Variants in ADGRG4 observed in about 807,000 individuals in gnomAD.
ADGRG4 encodes the protein G protein-coupled receptor 112.
Under a neutral mutation model 126.2 loss-of-function variants are expected in ADGRG4, and 122 were observed. The observed-to-expected ratio is 0.97, with a 90% CI of 0.83 to 1.12. The LOEUF (loss-of-function observed/expected upper bound fraction) is 1.12, where lower values mean the gene tolerates loss of function less well. Ranked by LOEUF, ADGRG4 falls within the 50% of genes most tolerant of loss-of-function variation. ADGRG4 has a pLI of 0.00. For missense variants in ADGRG4, 2,481 were observed against 2,251.8 expected, an observed-to-expected ratio of 1.10 and a Z score of -2.06; for synonymous variants, 943 against 838.7, an observed-to-expected ratio of 1.12 and a Z score of -2.15.
chrX:136,338,691 T>C (rs1256670536), intron 5 of ADGRG4, among the ~76,000 whole-genome samples: 5 of 112,384 alleles, frequency 4.4e-5, no homozygotes, highest in Non-Finnish European at 3.7e-5. Context: ...CAGTGTCTAA[T>C]TCATCTCAGT....
At chrX:136,309,350 C>A (rs1226051925) in intron 4 of ADGRG4, among the ~76,000 whole-genome samples, 1 of 111,967 alleles carries the variant, frequency 8.9e-6, no homozygotes, top group African/African-American at 3.2e-5. Flanking sequence ...CCAGACCTTC[C>A]CTAGACTCTA....
intron 23 of ADGRG4, among the ~76,000 whole-genome samples, chrX:136,406,788 G>A (rs1471217496): frequency 9.0e-6 from 1 of 110,560 alleles, no homozygotes; most frequent in Non-Finnish European, 1.9e-5. Context: ...GGTGGTGTGT[G>A]CCTGTAGTCC....
At chrX:136,407,511 T>C (rs1303100457) in intron 23 of ADGRG4, among the ~76,000 whole-genome samples, 1 of 111,570 alleles carries the variant, frequency 9.0e-6, no homozygotes, top group Non-Finnish European at 1.9e-5. Context: ...TGGGAAGCAA[T>C]GTAGCAGAAG....
chrX:136,348,025 A>T lies in ADGRG4; in HGVS notation c.4319A>T (p.His1440Leu). ...MDINTTFSHL[H>L]SLRTQPEVTS... is the part of the protein sequence containing the mutation. ...ATCAATACAACTTTTTCACACTTGC[A>T]TTCACTTAGGACACAACCTGAGGTG... Residue 1440 changes from histidine to leucine, a missense_variant, in exon 6 of 26, where the codon CAT (histidine) becomes CTT (leucine). By Grantham distance (99) the His-to-Leu change is moderately conservative. Transcript: ENST00000394143. 8.3e-7 allele frequency: 1 copy of T among 1,210,799 alleles called. No homozygotes were observed. The highest frequency in any genetic ancestry group is 1.1e-6 in the Non-Finnish European group (1 of 894,662).
At chrX:136,396,791 C>CTT (rs778121909) in intron 19 of ADGRG4, among the ~76,000 whole-genome samples, 12 of 92,099 alleles carry the variant, frequency 1.3e-4, no homozygotes, top group Middle Eastern at 6.1e-3. Context: ...ATAGTTCTGT[C>CTT]TTTTTTTTTT....
At chrX:136,387,645 G>A (rs1325356726) in intron 15 of ADGRG4, 95 bp from the exon 16 acceptor site, 2 of 798,885 alleles carry the variant, frequency 2.5e-6, no homozygotes, top group Non-Finnish European at 3.6e-6. Flanking sequence ...AGTCCTTTGG[G>A]TGATATTCTG....
At chrX:136,395,861 T>G (rs932962336) in intron 19 of ADGRG4, among the ~76,000 whole-genome samples, 2 of 111,832 alleles carry the variant, frequency 1.8e-5, no homozygotes, top group African/African-American at 6.5e-5. Context: ...ACCGATTGCT[T>G]TTCTCATTTA....
At chrX:136,400,221 G>A (rs892821580) in intron 21 of ADGRG4, 105 bp downstream of exon 21, 11 of 673,469 alleles carry the variant, frequency 1.6e-5, no homozygotes, top group East Asian at 1.3e-4. Context: ...ATTAAGGATC[G>A]CCTTGCTGGT....
chrX:136,323,108 A>G lies in ADGRG4; in HGVS notation c.401A>G (p.Glu134Gly), dbSNP rs770339054. 3.3e-6 allele frequency: 4 copies of G among 1,211,504 alleles called. No homozygotes were observed. In the South Asian group the frequency reaches 7.0e-5, roughly 21 times the overall value. ...LIWDGVKGKL[E>G]LFLNKERILE... The stretch of plus-strand genomic sequence containing the variant: ...TGGGATGGTGTGAAGGGCAAATTAG[A>G]ACTCTTCCTGAATAAAGAAAGGATA... The change falls in exon 5 of 26, where the codon GAA (glutamate) becomes GGA (glycine). Residue 134 changes from glutamate (E) to glycine (G), a missense_variant. Glu to Gly is a moderately conservative substitution (Grantham distance 98). Transcript: ENST00000394143.
chrX:136,386,660 C>T (rs971193995), intron 15 of ADGRG4, among the ~76,000 whole-genome samples: 5 of 111,783 alleles, frequency 4.5e-5, no homozygotes, highest in South Asian at 7.5e-4. Context: ...CATAATACAA[C>T]GTACCTCTCA....
chrX:136,393,471 T>C, intron 17 of ADGRG4, 64 bp from the exon 18 acceptor site: 1 of 916,114 alleles, frequency 1.1e-6, no homozygotes, highest in Non-Finnish European at 1.6e-6. Flanking sequence ...CACTTATGTG[T>C]ATATGTTACT....
At chrX:136,405,298 A>T (rs971114672) in intron 22 of ADGRG4, among the ~76,000 whole-genome samples, 2 of 107,510 alleles carry the variant, frequency 1.9e-5, no homozygotes, top group African/African-American at 6.8e-5. Context: ...GCTTAGGTGT[A>T]AGGTGGTGGC....
chrX:136,393,474 A>T lies in ADGRG4; in HGVS notation c.8035-61A>T. On this transcript the variant is annotated intron_variant, in intron 17 of 25. Transcript: ENST00000394143. ...TTGGGAAGAAAACACTTATGTGTAT[A>T]TGTTACTATATGGTAAATATCACAA... The T allele has an allele frequency of 6.3e-6, 6 of 945,733 alleles. No individual in the cohort carries two copies. The South Asian group carries it at 1.3e-4, about 20-fold the overall frequency. 77.9% of individuals were successfully genotyped at this position (945,733 alleles called of 1,213,427 possible).
At chrX:136,371,303 T>A in intron 13 of ADGRG4, 25 bp from the exon 14 acceptor site, 1 of 1,060,238 alleles carries the variant, frequency 9.4e-7, no homozygotes, top group Non-Finnish European at 1.3e-6. Flanking sequence ...CATGCAGCTT[T>A]TATGTCTCAA....
intron 6 of ADGRG4, 28 bp downstream of exon 6, chrX:136,350,461 G>A (rs1569325345): frequency 1.7e-6 from 2 of 1,169,589 alleles, no homozygotes; most frequent in Non-Finnish European, 2.3e-6. Context: ...ATGTGGTGTA[G>A]CCCCAACAGA....
At chrX:136,411,074 T>A (rs1000952593) in intron 23 of ADGRG4, among the ~76,000 whole-genome samples, 2 of 111,614 alleles carry the variant, frequency 1.8e-5, no homozygotes, top group African/African-American at 3.3e-5. Flanking sequence ...ATTTTTTTTT[T>A]AAGACAGAGT....
intron 18 of ADGRG4, among the ~76,000 whole-genome samples, chrX:136,394,771 T>G (rs1328146722): frequency 8.9e-6 from 1 of 112,384 alleles, no homozygotes; most frequent in Non-Finnish European, 1.9e-5. Context: ...ATAACCCCTT[T>G]GGTCTAGTGC....
chrX:136,355,809 G>A (rs1467492732), intron 8 of ADGRG4, among the ~76,000 whole-genome samples: 1 of 111,949 alleles, frequency 8.9e-6, no homozygotes, highest in African/African-American at 3.2e-5. Context: ...ATGCCATGAT[G>A]TTTTCCTCCA....
At chrX:136,315,299 G>A (rs929348019) in intron 4 of ADGRG4, among the ~76,000 whole-genome samples, 1 of 110,148 alleles carries the variant, frequency 9.1e-6, no homozygotes, top group Non-Finnish European at 1.9e-5. Flanking sequence ...TCATGGGGCT[G>A]CTAGACCAGG....
Sources: allele counts gnomAD v4.1 joint callset (sites outside exome capture counted in the v4.1 genomes callset), GRCh38; gene constraint gnomAD v4.1.1; transcripts MANE v1.5; gene names NCBI Gene and HGNC (gene_info 2026-07-23, HGNC 2026-07-21).